CCDC85A: variants seen among roughly 807,000 people sequenced by gnomAD.
CCDC85A encodes coiled-coil domain containing 85A, also known as coiled-coil domain-containing protein 85A.
Under a neutral mutation model 50.2 loss-of-function variants are expected in CCDC85A, and 38 were observed. The observed-to-expected ratio is 0.76, with a 90% CI of 0.58 to 0.99. The LOEUF is 0.99. Ranked by LOEUF, CCDC85A falls within the 50% of genes least tolerant of loss-of-function variation. CCDC85A has a pLI of 0.00. For synonymous variants in CCDC85A, 366 were observed against 301.4 expected (o/e 1.21, Z -2.22); for missense variants, 820 against 742.0 (o/e 1.11, Z -1.22).
In CCDC85A at chr2:56,278,238, A is replaced by G. The variant is rs565958299; in HGVS notation, c.1241-64641A>G. On this transcript the variant is annotated intron_variant, in intron 2 of 5. Coordinates refer to ENST00000407595, the MANE Select transcript of CCDC85A (RefSeq NM_001080433.2). Reference sequence around the variant, plus strand: ...TCTCCTCCCCTTTTTAATGAATAAAATCAAGAAAATGATTTCCTCATAAAT... The same window carrying G: ...TCTCCTCCCCTTTTTAATGAATAAAGTCAAGAAAATGATTTCCTCATAAAT... Among the ~76,000 whole-genome samples the G allele has an allele frequency of 3.9e-5, 6 of 152,148 alleles. No homozygotes were observed. The East Asian group carries it at 1.2e-3, about 29-fold the overall frequency.
At position 56,193,159 on chromosome 2, in the gene CCDC85A, AC is replaced by A. The variant is rs1558577056; in HGVS notation, c.961del (p.Arg321GlyfsTer28). ...LSGSPEHFQKHRSGSSPEHAR... is the reference protein window; with the variant it reads ...LSGSPEHFQKXRSGSSPEHAR... ...GGGAGCCCGGAACACTTCCAGAAGC[AC>A]CGGTCAGGGAGCAGCCCTGAACACG... is the stretch of plus-strand genomic sequence containing the variant. On this transcript the variant is annotated frameshift_variant, in exon 2 of 6. Transcript: ENST00000407595. LOFTEE classifies it high-confidence loss of function. 1 of 1,611,764 alleles carries A rather than the reference AC, an allele frequency of 6.2e-7. No individual in the cohort carries two copies. The highest frequency in any genetic ancestry group is 8.5e-7 in the Non-Finnish European group (1 of 1,178,790).
At chr2:56,219,752 C>G (rs1668239088) in intron 2 of CCDC85A, among the ~76,000 whole-genome samples, 1 of 151,904 alleles carries the variant, frequency 6.6e-6, no homozygotes, top group South Asian at 2.1e-4. Context: ...TCCCCTATTA[C>G]CAAACATTTT....
intron 2 of CCDC85A, among the ~76,000 whole-genome samples, chr2:56,320,049 A>T (rs2104256020): frequency 6.6e-6 from 1 of 152,330 alleles, no homozygotes; most frequent in South Asian, 2.1e-4. Context: ...CTGGGTACAT[A>T]ACAAAATGAA....
chr2:56,321,534 C>G (rs758107761), intron 2 of CCDC85A, among the ~76,000 whole-genome samples: 23 of 152,266 alleles, frequency 1.5e-4, no homozygotes, highest in Non-Finnish European at 3.1e-4. Flanking sequence ...AGGGAACTCC[C>G]ATTCACAATT....
At chr2:56,205,021 A>G (rs1429879810) in intron 2 of CCDC85A, among the ~76,000 whole-genome samples, 1 of 152,204 alleles carries the variant, frequency 6.6e-6, no homozygotes, top group Non-Finnish European at 1.5e-5. Flanking sequence ...ATGGCAGACA[A>G]CAAATGGACT....
At chr2:56,220,297 G>T (rs76220314) in intron 2 of CCDC85A, among the ~76,000 whole-genome samples, 3,158 of 151,912 alleles carry the variant, frequency 0.021, 46 homozygotes, top group Non-Finnish European at 0.029. Flanking sequence ...TCTTTAAAAG[G>T]CTGTTAAATC....
At chr2:56,239,130 T>C (rs1417538383) in intron 2 of CCDC85A, among the ~76,000 whole-genome samples, 2 of 152,152 alleles carry the variant, frequency 1.3e-5, no homozygotes, top group African/African-American at 4.8e-5. Context: ...GTATACTTTT[T>C]GAGGTTCCCT....
chr2:56,308,952 A>G (rs1200769279), intron 2 of CCDC85A, among the ~76,000 whole-genome samples: 1 of 152,188 alleles, frequency 6.6e-6, no homozygotes, highest in African/African-American at 2.4e-5. Context: ...CAGCTCTTCT[A>G]GAAGCCAGAA....
intron 2 of CCDC85A, among the ~76,000 whole-genome samples, chr2:56,295,180 C>T (rs1474654572): frequency 1.3e-5 from 2 of 152,000 alleles, no homozygotes. Context: ...ATGCCCCATC[C>T]CCACTTCCCA....
At chr2:56,310,942 A>G (rs755316663) in intron 2 of CCDC85A, among the ~76,000 whole-genome samples, 6 of 152,316 alleles carry the variant, frequency 3.9e-5, no homozygotes, top group South Asian at 2.1e-4. Context: ...CAGATCGTCA[A>G]GGAACTCTTA....
intron 2 of CCDC85A, among the ~76,000 whole-genome samples, chr2:56,197,565 T>C (rs551945024): frequency 6.6e-6 from 1 of 152,330 alleles, no homozygotes; most frequent in East Asian, 1.9e-4. Context: ...AAAAGAGCTC[T>C]CAGGTGATTC....
intron 3 of CCDC85A, among the ~76,000 whole-genome samples, chr2:56,352,548 G>T (rs2104348130): frequency 6.6e-6 from 1 of 152,234 alleles, no homozygotes; most frequent in Middle Eastern, 3.4e-3. Flanking sequence ...GTCCCACCAT[G>T]TTGGCCAGGG....
intron 2 of CCDC85A, among the ~76,000 whole-genome samples, chr2:56,340,600 G>T (rs924731973): frequency 2.6e-5 from 4 of 152,166 alleles, no homozygotes; most frequent in Non-Finnish European, 5.9e-5. Context: ...GAATGGCTGT[G>T]CGTGGTAGCT....
chr2:56,273,229 A>C (rs1027277287), intron 2 of CCDC85A, among the ~76,000 whole-genome samples: 1 of 152,144 alleles, frequency 6.6e-6, no homozygotes, highest in Non-Finnish European at 1.5e-5. Flanking sequence ...CGGATCTAAT[A>C]TGAATTCTAG....
intron 2 of CCDC85A, among the ~76,000 whole-genome samples, chr2:56,311,167 T>A (rs1215904350): frequency 6.6e-6 from 1 of 152,146 alleles, no homozygotes; most frequent in East Asian, 1.9e-4. Context: ...CTTGGTTCCC[T>A]GGTGATAAGG....
At chr2:56,299,720 T>C (rs1672115468) in intron 2 of CCDC85A, among the ~76,000 whole-genome samples, 1 of 151,864 alleles carries the variant, frequency 6.6e-6, no homozygotes, top group Non-Finnish European at 1.5e-5. Flanking sequence ...AGAAACCGGG[T>C]AAAGTAAGGG....
chr2:56,255,916 C>T (rs974628735), intron 2 of CCDC85A, among the ~76,000 whole-genome samples: 3 of 152,120 alleles, frequency 2.0e-5, no homozygotes, highest in Admixed American at 2.0e-4. Flanking sequence ...CAAGGAGTCA[C>T]ATTTCCTTCT....
chr2:56,213,847 C>T (rs1274307485), intron 2 of CCDC85A, among the ~76,000 whole-genome samples: 12 of 152,020 alleles, frequency 7.9e-5, no homozygotes, highest in Admixed American at 5.9e-4. Flanking sequence ...CAAAAATACC[C>T]GCCTCTCATA....
intron 3 of CCDC85A, among the ~76,000 whole-genome samples, chr2:56,365,310 T>G (rs1469124936): frequency 6.6e-6 from 1 of 152,212 alleles, no homozygotes; most frequent in Non-Finnish European, 1.5e-5. Flanking sequence ...ACATTTTATG[T>G]AATGGTTGCA....
Sources: gnomAD v4.1 joint callset for allele counts (sites outside exome capture counted in the v4.1 genomes callset) on GRCh38, gnomAD v4.1.1 for gene constraint, MANE v1.5 for transcripts, NCBI Gene and HGNC (gene_info 2026-07-23, HGNC 2026-07-21) for gene names.